The following CDH4 variants were observed in gnomAD, a reference collection of about 807,000 sequenced individuals.
CDH4 encodes the protein cadherin 4.
Under a neutral mutation model 86.0 loss-of-function variants are expected in CDH4, and 33 were observed. The ratio of observed to expected loss-of-function variants is 0.38; its 90% CI spans 0.29 to 0.51. The LOEUF (loss-of-function observed/expected upper bound fraction) is 0.51, where lower values mean the gene tolerates loss of function less well. CDH4 is among the 20% of genes least tolerant of loss of function. The probability of loss-of-function intolerance (pLI) is 0.86; values close to 1 mark genes in which losing one functional copy is unlikely to be tolerated. For missense variants in CDH4, 1,114 were observed against 1,307.4 expected (o/e 0.85, Z 2.28); for synonymous variants, 555 against 549.4 (o/e 1.01, Z -0.14).
intron 2 of CDH4, among the ~76,000 whole-genome samples, chr20:61,365,607 G>T (rs1230362937): frequency 6.6e-6 from 1 of 152,140 alleles, no homozygotes; most frequent in Non-Finnish European, 1.5e-5. Context: ...CTGTGAGCCA[G>T]GATGCAGCTG....
intron 4 of CDH4, among the ~76,000 whole-genome samples, chr20:61,791,397 G>C (rs1223029241): frequency 6.6e-6 from 1 of 152,228 alleles, no homozygotes; most frequent in Admixed American, 6.5e-5. Flanking sequence ...TGTTCACCCA[G>C]ATTTCTCCTT....
intron 2 of CDH4, among the ~76,000 whole-genome samples, chr20:61,300,311 A>G (rs1026364184): frequency 6.6e-6 from 1 of 152,142 alleles, no homozygotes; most frequent in Non-Finnish European, 1.5e-5. Context: ...GAAGGGCCAC[A>G]TGAGGGGCAG....
rs144990045 is a variant in CDH4 at position 61,667,236 on chromosome 20, C to A, written c.170-76327C>A. ...TCAGGAAGGCTGAGAGGGTCTTGGGCAACCAGGTATGTGGAGAAACAGTCG... is the reference window on the plus strand; with the variant it reads ...TCAGGAAGGCTGAGAGGGTCTTGGGAAACCAGGTATGTGGAGAAACAGTCG... On this transcript the variant is annotated intron_variant, in intron 2 of 15. Transcript: ENST00000614565. Among the ~76,000 whole-genome samples, 1,507 of 152,336 alleles carry A rather than the reference C, an allele frequency of 9.9e-3. 13 individuals are homozygous for A. The highest frequency in any genetic ancestry group is 0.014 in the Non-Finnish European group (972 of 68,034).
intron 2 of CDH4, chr20:61,435,016 T>C (rs551028949): frequency 6.6e-6 from 1 of 152,376 alleles, no homozygotes; most frequent in African/African-American, 2.4e-5. Context: ...TTCTTTTTCT[T>C]GGTACATGGG....
chr20:61,302,164 A>G (rs2084389455), intron 2 of CDH4, among the ~76,000 whole-genome samples: 1 of 152,190 alleles, frequency 6.6e-6, no homozygotes, highest in Non-Finnish European at 1.5e-5. Context: ...TAGTAGGCCG[A>G]GGTCTGGGCG....
chr20:61,824,488 C>T (rs1167139650), intron 4 of CDH4, among the ~76,000 whole-genome samples: 1 of 152,156 alleles, frequency 6.6e-6, no homozygotes, highest in East Asian at 1.9e-4. Flanking sequence ...GGTCACAGGT[C>T]TCACCTAAGG....
chr20:61,868,744 G>T (rs1983663896), intron 6 of CDH4, among the ~76,000 whole-genome samples: 1 of 152,240 alleles, frequency 6.6e-6, no homozygotes, highest in Admixed American at 6.5e-5. Context: ...CTCCTCCCTG[G>T]CCAGCTGGGT....
At chr20:61,751,537 T>C (rs543460318) in intron 3 of CDH4, among the ~76,000 whole-genome samples, 1 of 152,252 alleles carries the variant, frequency 6.6e-6, no homozygotes, top group Non-Finnish European at 1.5e-5. Context: ...CTGATGAGCC[T>C]TGTCAAATGC....
intron 2 of CDH4, among the ~76,000 whole-genome samples, chr20:61,371,759 G>A (rs984411720): frequency 2.4e-4 from 36 of 152,376 alleles, no homozygotes; most frequent in Admixed American, 3.3e-4. Flanking sequence ...GGGCTGGGCC[G>A]CATGGAAGGC....
intron 2 of CDH4, among the ~76,000 whole-genome samples, chr20:61,448,471 C>T (rs754570442): frequency 2.0e-5 from 3 of 152,206 alleles, no homozygotes; most frequent in South Asian, 4.1e-4. Context: ...ACAGCCTCCT[C>T]CAATCTCCTT....
At chr20:61,714,051 ATTTTATTTTAT>A (rs953097485) in intron 2 of CDH4, among the ~76,000 whole-genome samples, 3 of 149,524 alleles carry the variant, frequency 2.0e-5, no homozygotes, top group African/African-American at 7.5e-5. Flanking sequence ...ATTTTATTTT[ATTTTATTTTAT>A]TTGAGATGGA....
In CDH4 at chr20:61,295,266, C is replaced by T. The variant is rs150801664; in HGVS notation, c.169+40329C>T. On this transcript the variant is annotated intron_variant, in intron 2 of 15. Transcript: ENST00000614565. ...TTTTGCTGAGGTTGGGACATGTTTA[C>T]TGATGTTTTACATGTGATTTTTATG... 9.8e-5 allele frequency among the ~76,000 whole-genome samples: 15 copies of T among 152,318 alleles called. No individual in the cohort carries two copies. In the East Asian group the frequency reaches 2.7e-3, roughly 27 times the overall value.
At position 61,544,619 on chromosome 20, in the gene CDH4, A is replaced by G. The variant is rs1431974708; in HGVS notation, c.170-198944A>G. ...GTGATGGGATGTGCCGGGGGCAGACAGGGCCCACCAGACCCCACGCTGCTC... is the reference window on the plus strand; with the variant it reads ...GTGATGGGATGTGCCGGGGGCAGACGGGGCCCACCAGACCCCACGCTGCTC... On this transcript the variant is annotated intron_variant, in intron 2 of 15. Transcript: ENST00000614565. The surrounding 1 kb of genome is among the most constrained non-coding windows in gnomAD (Gnocchi z 6.5). 2.0e-5 allele frequency among the ~76,000 whole-genome samples: 3 copies of G among 151,948 alleles called. No homozygotes were observed. The highest frequency in any genetic ancestry group is 4.4e-5 in the Non-Finnish European group (3 of 67,990).
intron 2 of CDH4, among the ~76,000 whole-genome samples, chr20:61,608,869 G>A (rs570369788): frequency 3.4e-4 from 51 of 152,220 alleles, no homozygotes; most frequent in African/African-American, 1.2e-3. Flanking sequence ...TCCACCTTCC[G>A]TATGCAGAGC....
chr20:61,265,776 G>C (rs1049172626), intron 2 of CDH4, among the ~76,000 whole-genome samples: 5 of 152,236 alleles, frequency 3.3e-5, no homozygotes, highest in African/African-American at 1.2e-4. Context: ...GGCATGAGCT[G>C]TGGGTCAGGG....
intron 2 of CDH4, among the ~76,000 whole-genome samples, chr20:61,340,687 C>T (rs2084645220): frequency 6.6e-6 from 1 of 151,814 alleles, no homozygotes; most frequent in Admixed American, 6.6e-5. Context: ...TGGGCTCAAG[C>T]AATCCTCCTG....
At chr20:61,905,031 G>A (rs997957464) in intron 8 of CDH4, among the ~76,000 whole-genome samples, 7 of 152,142 alleles carry the variant, frequency 4.6e-5, no homozygotes, top group Non-Finnish European at 4.4e-5. Context: ...GAAGGCCCTC[G>A]TAGGAAGACA....
chr20:61,433,882 A>G (rs2085264809), intron 2 of CDH4, among the ~76,000 whole-genome samples: 1 of 152,196 alleles, frequency 6.6e-6, no homozygotes, highest in Non-Finnish European at 1.5e-5. Context: ...ATTAAATAAG[A>G]TAAGACGCTG....
intron 2 of CDH4, among the ~76,000 whole-genome samples, chr20:61,737,173 A>T (rs2088276242): frequency 6.6e-6 from 1 of 152,154 alleles, no homozygotes; most frequent in South Asian, 2.1e-4. Flanking sequence ...GTCATATTTC[A>T]GAGTGGGCAA....
Sources: allele counts gnomAD v4.1 joint callset (sites outside exome capture counted in the v4.1 genomes callset), GRCh38; gene constraint gnomAD v4.1.1; non-coding constraint Gnocchi (gnomAD v3.1); transcripts MANE v1.5; gene names NCBI Gene and HGNC (gene_info 2026-07-23, HGNC 2026-07-21).